The following VAV3 variants were observed in gnomAD, a reference collection of about 807,000 sequenced individuals.
The protein encoded by VAV3 is guanine nucleotide exchange factor VAV3.
A neutral mutation model predicts 131.2 loss-of-function variants in VAV3; 94 were observed. The observed-to-expected ratio is 0.72, with a 90% CI of 0.61 to 0.85. VAV3 has a LOEUF of 0.85. Among genes scored for constraint, VAV3 ranks in the 40% least tolerant of loss-of-function variants. VAV3 has a pLI of 0.00. For missense variants in VAV3, 939 were observed against 1,002.7 expected (o/e 0.94, Z 0.86); for synonymous variants, 349 against 342.0 (o/e 1.02, Z -0.22).
intron 2 of VAV3, among the ~76,000 whole-genome samples, chr1:107,849,360 G>A (rs1216255087): frequency 6.6e-6 from 1 of 151,876 alleles, no homozygotes; most frequent in Non-Finnish European, 1.5e-5. Flanking sequence ...AAAACAGCAT[G>A]GTACTGATAC....
intron 15 of VAV3, among the ~76,000 whole-genome samples, chr1:107,718,742 T>A (rs1378019608): frequency 1.3e-5 from 2 of 152,160 alleles, no homozygotes; most frequent in Non-Finnish European, 2.9e-5. Flanking sequence ...AGAGCCTGCA[T>A]TACCAAGACA....
intron 18 of VAV3, chr1:107,686,034 T>TGGGGGGGGGGGGGGGGGGGG (rs554715740): frequency 1.1e-4 from 9 of 85,060 alleles, no homozygotes; most frequent in South Asian, 5.9e-4. Flanking sequence ...GTTGGGGGGG[T>TGGGGGGGGGGGGGGGGGGGG]GGGGGGGGAG....
chr1:107,822,028 C>A (rs1021102066), intron 2 of VAV3, among the ~76,000 whole-genome samples: 2 of 152,136 alleles, frequency 1.3e-5, no homozygotes, highest in African/African-American at 2.4e-5. Context: ...GCTTCAGTGC[C>A]TTATCTACTG....
chr1:107,632,095 C>G lies in VAV3; in HGVS notation c.1914+10524G>C, dbSNP rs995014398. Among the ~76,000 whole-genome samples the G allele has an allele frequency of 2.0e-5, 3 of 152,288 alleles. No individual in the cohort carries two copies. In the East Asian group the frequency reaches 5.8e-4, roughly 29 times the overall value. ...TTGAACTAGTTTACAGTCCCACCAACAGTGTAAAAGTGTAACACCTTATTT... is the reference window on the plus strand; with the variant it reads ...TTGAACTAGTTTACAGTCCCACCAAGAGTGTAAAAGTGTAACACCTTATTT... On this transcript the variant is annotated intron_variant, in intron 20 of 26. Transcript: ENST00000370056.
chr1:107,805,568 G>A (rs76617369), intron 2 of VAV3, among the ~76,000 whole-genome samples: 2,761 of 152,236 alleles, frequency 0.018, 32 homozygotes, highest in East Asian at 0.039. Flanking sequence ...GCTTTTCTGT[G>A]TTATCTTGGA....
At chr1:107,818,129 T>A (rs1667638909) in intron 2 of VAV3, among the ~76,000 whole-genome samples, 1 of 152,172 alleles carries the variant, frequency 6.6e-6, no homozygotes, top group African/African-American at 2.4e-5. Flanking sequence ...CAGGGCAGGT[T>A]CATCTGCACC....
intron 2 of VAV3, chr1:107,785,761 T>C (rs1665947704): frequency 1.7e-6 from 1 of 578,242 alleles, no homozygotes; most frequent in Non-Finnish European, 2.2e-6. Context: ...AACTGCAAGC[T>C]AGAGGCACCC....
intron 1 of VAV3, among the ~76,000 whole-genome samples, chr1:107,940,828 AGTT>A (rs1673947798): frequency 6.6e-6 from 1 of 152,044 alleles, no homozygotes; most frequent in Non-Finnish European, 1.5e-5. Context: ...CTTCAGGGGG[AGTT>A]GTTGTTTAAT....
chr1:107,751,521 G>A (rs933569576), intron 12 of VAV3, among the ~76,000 whole-genome samples: 5 of 152,108 alleles, frequency 3.3e-5, no homozygotes, highest in South Asian at 2.1e-4. Flanking sequence ...AATATTTTTT[G>A]AGCATCTACT....
chr1:107,576,449 A>C, intron 25 of VAV3: 5 of 1,521,512 alleles, frequency 3.3e-6, no homozygotes, highest in Non-Finnish European at 4.4e-6. Flanking sequence ...GGAGTTACAA[A>C]AGAAAAGCCA....
At chr1:107,689,486 G>C (rs939251962) in intron 17 of VAV3, among the ~76,000 whole-genome samples, 2 of 151,826 alleles carry the variant, frequency 1.3e-5, no homozygotes, top group Non-Finnish European at 2.9e-5. Context: ...CAGGAGGTTG[G>C]TTTGTTTTTT....
At chr1:107,710,884 T>C (rs1660744155) in intron 15 of VAV3, among the ~76,000 whole-genome samples, 1 of 152,198 alleles carries the variant, frequency 6.6e-6, no homozygotes, top group South Asian at 2.1e-4. Flanking sequence ...ATTGTGTGCT[T>C]CTAATGAAAC....
intron 1 of VAV3, among the ~76,000 whole-genome samples, chr1:107,879,106 C>A (rs1014509334): frequency 6.6e-6 from 1 of 152,046 alleles, no homozygotes; most frequent in South Asian, 2.1e-4. Context: ...TTCCTTTCAA[C>A]ATAATTAATA....
Position 107,749,467 on chromosome 1 carries a change from T to C in VAV3, c.1387A>G (p.Lys463Glu). The stretch of plus-strand genomic sequence containing the variant: ...ATTAGTTTCCAAAAAGTCACCTTTT[T>C]GTTTTCTTTATCGGTTGTAGGATTA... ...ANNPTTDKEN[K>E]KWSYGFYLIH... Residue 463 changes from lysine to glutamate, a missense_variant, in exon 14 of 27, where the codon AAA becomes GAA. Physicochemically the swap from Lys to Glu is moderately conservative, Grantham distance 56. Coordinates refer to ENST00000370056, the MANE Select transcript of VAV3 (RefSeq NM_006113.5). The C allele has an allele frequency of 6.3e-7, 1 of 1,587,460 alleles. No individual in the cohort carries two copies. Among genetic ancestry groups the C allele is most frequent in the Non-Finnish European group, 8.5e-7 (1 of 1,173,414 alleles).
chr1:107,884,747 C>T (rs1402531425), intron 1 of VAV3, among the ~76,000 whole-genome samples: 2 of 151,130 alleles, frequency 1.3e-5, no homozygotes, highest in African/African-American at 2.4e-5. Context: ...TCATGCCTGG[C>T]CCAAAAAAAA....
intron 2 of VAV3, among the ~76,000 whole-genome samples, chr1:107,874,107 T>A (rs1356158558): frequency 6.6e-6 from 1 of 152,208 alleles, no homozygotes. Context: ...TTTTCCTCCT[T>A]ATTTGCTTAT....
At chr1:107,594,354 G>A (rs892072588) in intron 25 of VAV3, among the ~76,000 whole-genome samples, 14 of 152,152 alleles carry the variant, frequency 9.2e-5, no homozygotes, top group South Asian at 6.2e-4. Context: ...ATATATATCT[G>A]TTTAACGAAT....
chr1:107,745,585 G>A (rs955346794), intron 15 of VAV3, among the ~76,000 whole-genome samples: 1 of 152,110 alleles, frequency 6.6e-6, no homozygotes, highest in Non-Finnish European at 1.5e-5. Context: ...GTCACCTCTG[G>A]GGAGAATATT....
chr1:107,785,699 A>G (rs778295692), intron 2 of VAV3: 37 of 1,088,052 alleles, frequency 3.4e-5, no homozygotes, highest in Non-Finnish European at 4.1e-5. Context: ...GAGTGTGGGC[A>G]TGAGTGCTGG....
Sources: allele counts gnomAD v4.1 joint callset (sites outside exome capture counted in the v4.1 genomes callset), GRCh38; gene constraint gnomAD v4.1.1; transcripts MANE v1.5; gene names NCBI Gene and HGNC (gene_info 2026-07-23, HGNC 2026-07-21).